Variants in H6PD observed in about 807,000 individuals in gnomAD.
The protein encoded by H6PD is hexose-6-phosphate dehydrogenase/glucose 1-dehydrogenase, also known as GDH/6PGL endoplasmic bifunctional protein.
A neutral mutation model predicts 61.2 loss-of-function variants in H6PD; 48 were observed. The observed-to-expected ratio is 0.78, with a 90% CI of 0.62 to 1.00. H6PD has a LOEUF of 1.00. Ranked by LOEUF, H6PD falls within the 50% of genes least tolerant of loss-of-function variation. H6PD has a pLI of 0.00. For synonymous variants in H6PD, 480 were observed against 457.9 expected, an observed-to-expected ratio of 1.05 and a Z score of -0.62; for missense variants, 1,093 against 1,065.0, an observed-to-expected ratio of 1.03 and a Z score of -0.37.
chr1:9,252,183 TC>T (rs1314082671), intron 3 of H6PD, among the ~76,000 whole-genome samples: 1 of 152,220 alleles, frequency 6.6e-6, no homozygotes, highest in East Asian at 1.9e-4. Flanking sequence ...ATTATATAAA[TC>T]CTGTAATTGA....
At chr1:9,260,468 C>T (rs892625716) in intron 3 of H6PD, among the ~76,000 whole-genome samples, 1 of 151,300 alleles carries the variant, frequency 6.6e-6, no homozygotes, top group African/African-American at 2.4e-5. Flanking sequence ...TGTTGTTACA[C>T]CAGTGTTATG....
intron 1 of H6PD, among the ~76,000 whole-genome samples, chr1:9,240,545 T>C (rs1305605647): frequency 2.0e-5 from 3 of 152,148 alleles, no homozygotes; most frequent in Admixed American, 6.5e-5. Context: ...CTAAATGACT[T>C]GTTTAAGGTT....
intron 3 of H6PD, among the ~76,000 whole-genome samples, chr1:9,248,506 A>G (rs978387872): frequency 2.0e-5 from 3 of 151,750 alleles, no homozygotes; most frequent in South Asian, 2.1e-4. Flanking sequence ...GGTGGGACAA[A>G]CTCCAAAATG....
rs745820805 is a variant in H6PD at position 9,262,325 on chromosome 1, G to A, written c.1012G>A (p.Ala338Thr). The part of the protein sequence containing the change: ...DSFHSLTPTF[A>T]AVLVHIDNLR... ...CTTCCACAGCCTGACGCCGACCTTCGCAGGTGGGCCCTGGGGCTGGGCATG... is the reference window on the plus strand; with the variant it reads ...CTTCCACAGCCTGACGCCGACCTTCACAGGTGGGCCCTGGGGCTGGGCATG... Residue 338 changes from alanine (A) to threonine (T), a missense_variant, in exon 4 of 5, where the codon GCA becomes ACA. Coordinates refer to ENST00000377403, the MANE Select transcript of H6PD (RefSeq NM_004285.4). The A allele has an allele frequency of 3.4e-5, 55 of 1,600,614 alleles. No individual in the cohort carries two copies. The Admixed American group carries it at 7.9e-4, about 23-fold the overall frequency.
chr1:9,258,125 G>A (rs1443175739), intron 3 of H6PD, among the ~76,000 whole-genome samples: 2 of 152,266 alleles, frequency 1.3e-5, no homozygotes, highest in African/African-American at 4.8e-5. Context: ...GAGGAGCGGC[G>A]CGGGCCGGGG....
chr1:9,261,391 G>C lies in H6PD; in HGVS notation c.746-668G>C, dbSNP rs1250853016. 2.0e-5 allele frequency among the ~76,000 whole-genome samples: 3 copies of C among 152,070 alleles called. No homozygotes were observed. The East Asian group carries it at 5.8e-4, about 29-fold the overall frequency. ...ACCTGAGGGTCCCTGCAGCTGAGATGCTTTCTCCCTGGCTTTTTGCGAGGC... is the reference window on the plus strand; with the variant it reads ...ACCTGAGGGTCCCTGCAGCTGAGATCCTTTCTCCCTGGCTTTTTGCGAGGC... On this transcript the variant is annotated intron_variant, in intron 3 of 4. Coordinates refer to ENST00000377403, the MANE Select transcript of H6PD (RefSeq NM_004285.4).
In H6PD at chr1:9,264,262, CG is replaced by C; in HGVS notation, c.1775del (p.Gly592AlafsTer127). 1 of 1,609,528 alleles carries C rather than the reference CG, an allele frequency of 6.2e-7. No homozygotes were observed. The highest frequency in any genetic ancestry group is 8.5e-7 in the Non-Finnish European group (1 of 1,179,138). ...TTTGGCCAGTTCCACCTGGCACTGT[CG>C]GGGGGCTCGAGCCCCGTGGCCCTGT... ...RRFGQFHLAL[S>X]GGSSPVALFQ... On this transcript the variant is annotated frameshift_variant, in exon 5 of 5. Coordinates refer to ENST00000377403, the MANE Select transcript of H6PD (RefSeq NM_004285.4). LOFTEE classifies it high-confidence loss of function.
rs1232838437 is a variant in H6PD, at chr1:9,266,620, C to A, written c.*1751C>A. The A allele has an allele frequency of 6.6e-6, 1 of 152,252 alleles. No individual in the cohort carries two copies. Among genetic ancestry groups the A allele is most frequent in the African/African-American group, 2.4e-5 (1 of 41,446 alleles). 9.4% of individuals were successfully genotyped at this position (152,252 alleles called of 1,614,324 possible). ...TCTGGATCAGGCAGATATAAACTTT[C>A]TAGCGCATTTTGAGAGAGGGCTTTC... On this transcript the variant is annotated 3_prime_UTR_variant, in exon 5 of 5. Transcript: ENST00000377403.
intron 1 of H6PD, chr1:9,242,436 GT>G (rs1265876771): frequency 7.1e-6 from 2 of 281,384 alleles, no homozygotes; most frequent in Admixed American, 6.5e-5. Flanking sequence ...AAGCAATCAT[GT>G]TGTAATACCC....
At chr1:9,249,401 G>A (rs1181498419) in intron 3 of H6PD, among the ~76,000 whole-genome samples, 3 of 152,184 alleles carry the variant, frequency 2.0e-5, no homozygotes, top group Non-Finnish European at 4.4e-5. Context: ...TCTGTTTGCC[G>A]GGACAGTCTG....
chr1:9,270,260 G>C lies in H6PD; in HGVS notation c.*5391G>C, dbSNP rs1457019556. 1 of 152,616 alleles carries C rather than the reference G, an allele frequency of 6.6e-6. No homozygotes were observed. The highest frequency in any genetic ancestry group is 1.5e-5 in the Non-Finnish European group (1 of 68,038). 9.5% of individuals were successfully genotyped at this position (152,616 alleles called of 1,614,324 possible). On this transcript the variant is annotated 3_prime_UTR_variant, in exon 5 of 5. Transcript: ENST00000377403. ...TGCATCTTTTCTTCCCTTGGTGTGG[G>C]AGAGGTAAACACTTTGATTTGCTGA...
At chr1:9,240,070 G>A in intron 1 of H6PD, 1 of 1,144,992 alleles carries the variant, frequency 8.7e-7, no homozygotes, top group East Asian at 3.2e-5. Context: ...TAGAGTTGGA[G>A]ACAGTGAAGG....
At position 9,254,838 on chromosome 1, in the gene H6PD, C is replaced by T. The variant is rs1641467124; in HGVS notation, c.746-7221C>T. Among the ~76,000 whole-genome samples the T allele has an allele frequency of 6.6e-6, 1 of 152,170 alleles. No individual in the cohort carries two copies. The highest frequency in any genetic ancestry group is 1.5e-5 in the Non-Finnish European group (1 of 68,030). ...CATGTTCATCACGGCAAAGGAAGCCCTGTACCCCTTCGTTGTCATCCCACA... is the reference window on the plus strand; with the variant it reads ...CATGTTCATCACGGCAAAGGAAGCCTTGTACCCCTTCGTTGTCATCCCACA... On this transcript the variant is annotated intron_variant, in intron 3 of 4. Coordinates refer to ENST00000377403, the MANE Select transcript of H6PD (RefSeq NM_004285.4). This position sits in a 1 kb window ranked among gnomAD's most constrained non-coding sequence, Gnocchi z 4.6.
intron 3 of H6PD, among the ~76,000 whole-genome samples, chr1:9,249,454 T>G (rs1473100936): frequency 6.6e-6 from 1 of 152,198 alleles, no homozygotes; most frequent in Non-Finnish European, 1.5e-5. Context: ...CTGGGCTGGC[T>G]GTCCTCAAGG....
At chr1:9,252,124 G>T (rs1004685166) in intron 3 of H6PD, among the ~76,000 whole-genome samples, 1 of 152,056 alleles carries the variant, frequency 6.6e-6, no homozygotes, top group Non-Finnish European at 1.5e-5. Flanking sequence ...GAGAGGCAGC[G>T]GCAGTGTTCT....
At position 9,264,748 on chromosome 1, in the gene H6PD, G is replaced by C; in HGVS notation, c.2255G>C (p.Arg752Pro). 1 of 1,613,248 alleles carries C rather than the reference G, an allele frequency of 6.2e-7. No individual in the cohort carries two copies. The highest frequency in any genetic ancestry group is 1.3e-5 in the African/African-American group (1 of 75,064). ...VAVLVMGRMK[R>P]EITTLVSRVG... is the part of the protein sequence containing the mutation. ...GTCCTGGTCATGGGCAGGATGAAGC[G>C]TGAGATCACCACGCTGGTGAGCCGG... Residue 752 changes from arginine (R) to proline (P), a missense_variant, in exon 5 of 5, where the codon CGT becomes CCT. By Grantham distance (103) the Arg-to-Pro change is moderately radical. Coordinates refer to ENST00000377403, the MANE Select transcript of H6PD (RefSeq NM_004285.4).
chr1:9,256,996 C>A (rs1641541217), intron 3 of H6PD, among the ~76,000 whole-genome samples: 1 of 152,152 alleles, frequency 6.6e-6, no homozygotes, highest in East Asian at 1.9e-4. Context: ...GGGAGAATCG[C>A]CTCAGCTCTG....
chr1:9,260,651 A>G (rs888087712), intron 3 of H6PD, among the ~76,000 whole-genome samples: 11 of 151,466 alleles, frequency 7.3e-5, no homozygotes, highest in Admixed American at 6.6e-5. Flanking sequence ...TGCTGTTGTT[A>G]CATTGGTGTT....
chr1:9,260,984 C>G (rs1233112905), intron 3 of H6PD, among the ~76,000 whole-genome samples: 3 of 152,062 alleles, frequency 2.0e-5, no homozygotes, highest in African/African-American at 7.2e-5. Flanking sequence ...TTTGCTCACA[C>G]CCACCCCATC....
Sources: gnomAD v4.1 joint callset for allele counts (sites outside exome capture counted in the v4.1 genomes callset) on GRCh38, gnomAD v4.1.1 for gene constraint, Gnocchi (gnomAD v3.1) non-coding constraint, MANE v1.5 for transcripts, NCBI Gene and HGNC (gene_info 2026-07-23, HGNC 2026-07-21) for gene names.